Variants in EXTL1 observed in about 807,000 individuals in gnomAD.
The protein encoded by EXTL1 is exostosin-like 1.
A neutral mutation model predicts 64.6 loss-of-function variants in EXTL1; 43 were observed. The observed-to-expected ratio is 0.67, with a 90% CI of 0.52 to 0.86. EXTL1 has a LOEUF of 0.86. Ranked by LOEUF, EXTL1 falls within the 40% of genes least tolerant of loss-of-function variation. The pLI is 0.00. For synonymous variants in EXTL1, 352 were observed against 360.5 expected (o/e 0.98, Z 0.27); for missense variants, 766 against 879.0 (o/e 0.87, Z 1.62).
In EXTL1 at chr1:26,035,586, G is replaced by T. The variant is rs370020548; in HGVS notation, c.*239G>T. 125 of 445,798 alleles carry T rather than the reference G, an allele frequency of 2.8e-4. No homozygotes were observed. The highest frequency in any genetic ancestry group is 2.3e-3 in the African/African-American group (118 of 50,418). The allele number at this position is 445,798 out of a possible 1,614,324, so 27.6% of individuals were successfully genotyped here. A position where few individuals can be genotyped will look rare whatever the true frequency, so the allele number is the denominator to read the frequency against. ...CCCCGCGACCGGAGCGCCGCTCTCC[G>T]CTTCTCCACCCAGCTAACTTCTGCT... is the stretch of plus-strand genomic sequence containing the variant. On this transcript the variant is annotated 3_prime_UTR_variant, in exon 11 of 11. Transcript: ENST00000374280. This position sits in a 1 kb window ranked among gnomAD's most constrained non-coding sequence, Gnocchi z 5.3.
At position 26,029,635 on chromosome 1, in the gene EXTL1, G is replaced by C. The variant is rs2050259268; in HGVS notation, c.909G>C (p.Trp303Cys). 6.2e-7 allele frequency: 1 copy of C among 1,611,424 alleles called. No homozygotes were observed. Among genetic ancestry groups the C allele is most frequent in the African/African-American group, 1.3e-5 (1 of 74,878 alleles). ...GCIPVLLSPRWELPFSEVIDW... is the reference protein window; with the variant it reads ...GCIPVLLSPRCELPFSEVIDW... ...TCCCAGTGCTTCTCAGCCCCCGCTG[G>C]GAGCTGCCCTTCTCCGAGGTCATCG... is the stretch of plus-strand genomic sequence containing the variant. Residue 303 changes from tryptophan to cysteine, a missense_variant, in exon 3 of 11, where the codon TGG (tryptophan) becomes TGC (cysteine). Physicochemically the swap from Trp to Cys is radical, Grantham distance 215 (BLOSUM62 -2). This residue lies in a region of EXTL1 where 571 missense variants were observed against 647.6 expected (regional missense o/e 0.88). Transcript: ENST00000374280.
At chr1:26,031,626 G>A (rs981058115) in intron 6 of EXTL1, 60 bp downstream of exon 6, 2 of 1,048,488 alleles carry the variant, frequency 1.9e-6, no homozygotes, top group Admixed American at 6.2e-5. Flanking sequence ...GACAGGGCAG[G>A]GCCCTGATGA....
intron 1 of EXTL1, among the ~76,000 whole-genome samples, chr1:26,028,975 C>T (rs1162321686): frequency 6.6e-6 from 1 of 152,206 alleles, no homozygotes; most frequent in Non-Finnish European, 1.5e-5. Flanking sequence ...TGCAGGGCTC[C>T]TGCCTCCTAG....
At chr1:26,028,028 G>C (rs551580501) in intron 1 of EXTL1, among the ~76,000 whole-genome samples, 1 of 152,302 alleles carries the variant, frequency 6.6e-6, no homozygotes, top group South Asian at 2.1e-4. Flanking sequence ...AAGGGTGAAG[G>C]GGGCTGTACC....
At chr1:26,024,363 T>G (rs2050192435) in intron 1 of EXTL1, among the ~76,000 whole-genome samples, 1 of 152,126 alleles carries the variant, frequency 6.6e-6, no homozygotes, top group East Asian at 1.9e-4. Flanking sequence ...AGGGCCTACC[T>G]GAGTCGGGAA....
chr1:26,023,491 G>A (rs2050179685), intron 1 of EXTL1, 66 bp downstream of exon 1: 10 of 1,384,694 alleles, frequency 7.2e-6, no homozygotes, highest in South Asian at 3.6e-5. Context: ...GCCCAAAAAC[G>A]AGGGTAGAAG....
intron 4 of EXTL1, 23 bp downstream of exon 4, chr1:26,030,618 G>C (rs1557553604): frequency 1.9e-6 from 3 of 1,591,736 alleles, no homozygotes; most frequent in Non-Finnish European, 2.6e-6. Context: ...ACCTGATGGG[G>C]GTCCTGGCTC....
chr1:26,031,715 G>A, intron 6 of EXTL1, 149 bp downstream of exon 6: 1 of 492,308 alleles, frequency 2.0e-6, no homozygotes, highest in Non-Finnish European at 3.5e-6. Context: ...CCTCCTGTAA[G>A]TCCCAAGATT....
chr1:26,024,683 G>C (rs1036552261), intron 1 of EXTL1, among the ~76,000 whole-genome samples: 1 of 152,068 alleles, frequency 6.6e-6, no homozygotes, highest in Non-Finnish European at 1.5e-5. Flanking sequence ...AAAAGTCAGG[G>C]ATCTCCCCCA....
rs531067091 is a variant in EXTL1 at position 26,035,634 on chromosome 1, T to C, written c.*287T>C. The C allele has an allele frequency of 1.1e-5, 4 of 356,616 alleles. No homozygotes were observed. Among genetic ancestry groups the C allele is most frequent in the East Asian group, 8.7e-5 (2 of 23,100 alleles). The allele number at this position is 356,616 out of a possible 1,614,324, so 22.1% of individuals were successfully genotyped here. A position where few individuals can be genotyped will look rare whatever the true frequency, so the allele number is the denominator to read the frequency against. On this transcript the variant is annotated 3_prime_UTR_variant, in exon 11 of 11. Coordinates refer to ENST00000374280, the MANE Select transcript of EXTL1 (RefSeq NM_004455.3). This position sits in a 1 kb window ranked among gnomAD's most constrained non-coding sequence, Gnocchi z 5.3. ...GCTCGTCTTTCAGAGCATTGTCTCC[T>C]CCAGGGACTTGCCTGGCCCTCCTCC...
In EXTL1 at chr1:26,025,835, C is replaced by T. The variant is rs1455711168; in HGVS notation, c.779+2410C>T. On this transcript the variant is annotated intron_variant, in intron 1 of 10. Coordinates refer to ENST00000374280, the MANE Select transcript of EXTL1 (RefSeq NM_004455.3). The surrounding 1 kb of genome is among the most constrained non-coding windows in gnomAD (Gnocchi z 5.3). The stretch of plus-strand genomic sequence containing the variant: ...TGTGTACAAGCAATATGTATATTCT[C>T]CCCCATTTTTTAACATAAATTTGAG... 6.6e-6 allele frequency among the ~76,000 whole-genome samples: 1 copy of T among 152,138 alleles called. No individual in the cohort carries two copies. The highest frequency in any genetic ancestry group is 1.5e-5 in the Non-Finnish European group (1 of 68,026).
rs1569662863 is a variant in EXTL1 at position 26,029,055 on chromosome 1, A to G, written c.780-138A>G. On this transcript the variant is annotated intron_variant, in intron 1 of 10. Transcript: ENST00000374280. ...AGTGCGTCAGTGTGCGGCTGTGCAT[A>G]TGCATGAGTGGGTTTACACATTTGG... 6.5e-6 allele frequency: 4 copies of G among 613,122 alleles called. No homozygotes were observed. In the East Asian group the frequency reaches 1.1e-4, roughly 17 times the overall value. The allele number at this position is 613,122 out of a possible 1,614,324, so 38.0% of individuals were successfully genotyped here.
At position 26,035,764 on chromosome 1, in the gene EXTL1, G is replaced by T. The variant is rs547255776; in HGVS notation, c.*417G>T. Reference sequence around the variant, plus strand: ...CAGGACTGGCTTGCGAGCCCCGGGGGGCGGGTCGTGTCGTGTCCTTTTCTC... The same window carrying T: ...CAGGACTGGCTTGCGAGCCCCGGGGTGCGGGTCGTGTCGTGTCCTTTTCTC... On this transcript the variant is annotated 3_prime_UTR_variant, in exon 11 of 11. Transcript: ENST00000374280. This position sits in a 1 kb window ranked among gnomAD's most constrained non-coding sequence, Gnocchi z 5.3. The T allele has an allele frequency of 1.4e-3, 253 of 176,982 alleles. 1 individual carries two copies. The highest frequency in any genetic ancestry group is 3.9e-4 in the Non-Finnish European group (33 of 84,568). The allele number at this position is 176,982 out of a possible 1,614,324, so 11.0% of individuals were successfully genotyped here. A position where few individuals can be genotyped will look rare whatever the true frequency, so the allele number is the denominator to read the frequency against.
rs535938316 is a variant in EXTL1 at position 26,030,647 on chromosome 1, C to G, written c.1101+52C>G. ...CTGGCTCTTGACTCCTGCTTCATCC[C>G]TGTCACCTCTCCATACTTCTCTGCC... On this transcript the variant is annotated intron_variant, in intron 4 of 10. Transcript: ENST00000374280. The G allele has an allele frequency of 2.6e-5, 40 of 1,566,584 alleles. No homozygotes were observed. In the African/African-American group the frequency reaches 5.3e-4, roughly 21 times the overall value.
In EXTL1 at chr1:26,034,864, C is replaced by T. The variant is rs767716307; in HGVS notation, c.1708C>T (p.Leu570=). The T allele has an allele frequency of 3.1e-6, 5 of 1,614,040 alleles. No homozygotes were observed. Among genetic ancestry groups the T allele is most frequent in the Admixed American group, 3.3e-5 (2 of 60,006 alleles). The change falls in exon 10 of 11, where the codon CTG becomes TTG. Residue 570 remains leucine, a synonymous_variant. Coordinates refer to ENST00000374280, the MANE Select transcript of EXTL1 (RefSeq NM_004455.3). This position sits in a 1 kb window ranked among gnomAD's most constrained non-coding sequence, Gnocchi z 4.6. ...TTACCACACTCTCTTCACCCACTCC[C>T]TGCCCAAGGCTCTGAGGACCCTGGC... The part of the protein sequence containing the change: ...RYYHTLFTHS[L]PKALRTLADE...
chr1:26,029,572 G>A (rs2050258008), intron 2 of EXTL1, 28 bp from the exon 3 acceptor site: 11 of 1,398,414 alleles, frequency 7.9e-6, no homozygotes, highest in Non-Finnish European at 1.1e-5. Flanking sequence ...GTGGGGCTGG[G>A]CTCCCCAGTG....
In EXTL1 at chr1:26,034,774, G is replaced by A; in HGVS notation, c.1680-62G>A. 1 of 1,540,936 alleles carries A rather than the reference G, an allele frequency of 6.5e-7. No homozygotes were observed. The highest frequency in any genetic ancestry group is 8.9e-7 in the Non-Finnish European group (1 of 1,124,458). The stretch of plus-strand genomic sequence containing the variant: ...AAGGGAGAGGTGAGGTCAGGAGGGA[G>A]GAGAATGGGGCCTGGGGATGGATTT... On this transcript the variant is annotated intron_variant, in intron 9 of 10. Coordinates refer to ENST00000374280, the MANE Select transcript of EXTL1 (RefSeq NM_004455.3). This position sits in a 1 kb window ranked among gnomAD's most constrained non-coding sequence, Gnocchi z 4.6.
At chr1:26,032,541 G>C in intron 7 of EXTL1, 56 bp downstream of exon 7, 1 of 1,353,160 alleles carries the variant, frequency 7.4e-7, no homozygotes, top group African/African-American at 1.4e-5. Flanking sequence ...GCTGGGGGAG[G>C]GCACCCATGG....
In EXTL1 at chr1:26,034,368, T is replaced by G. The variant is rs954572846; in HGVS notation, c.1680-468T>G. ...AATATGCATAACGTGGAACCTCTTA[T>G]AGATTACTCAGGAGCTCTGCAGGGA... On this transcript the variant is annotated intron_variant, in intron 9 of 10. Coordinates refer to ENST00000374280, the MANE Select transcript of EXTL1 (RefSeq NM_004455.3). This position sits in a 1 kb window ranked among gnomAD's most constrained non-coding sequence, Gnocchi z 4.6. Among the ~76,000 whole-genome samples the G allele has an allele frequency of 3.3e-5, 5 of 152,216 alleles. No individual in the cohort carries two copies. The highest frequency in any genetic ancestry group is 7.3e-5 in the Non-Finnish European group (5 of 68,040).
Sources: allele counts gnomAD v4.1 joint callset (sites outside exome capture counted in the v4.1 genomes callset), GRCh38; gene constraint gnomAD v4.1.1; regional missense constraint gnomAD v4.1.1; non-coding constraint Gnocchi (gnomAD v3.1); transcripts MANE v1.5; gene names NCBI Gene and HGNC (gene_info 2026-07-23, HGNC 2026-07-21).